The following GASK1A variants were observed in gnomAD, a reference collection of about 807,000 sequenced individuals.
GASK1A encodes the protein golgi associated kinase 1A, also known as Golgi-associated kinase 1A.
Under a neutral mutation model 41.2 loss-of-function variants are expected in GASK1A, and 40 were observed. The observed-to-expected ratio is 0.97, with a 90% confidence interval of 0.75 to 1.27. The LOEUF is 1.27. GASK1A is among the 50% of genes most tolerant of loss of function. The pLI is 0.00. For missense variants in GASK1A, 678 were observed against 745.1 expected, an observed-to-expected ratio of 0.91 and a Z score of 1.05; for synonymous variants, 316 against 307.1, an observed-to-expected ratio of 1.03 and a Z score of -0.30.
Position 43,033,278 on chromosome 3 carries a change from G to A in GASK1A, c.1015G>A (p.Gly339Arg). ...VLSFHVDRVLGLRRSLPAVAR... is the reference protein window; with the variant it reads ...VLSFHVDRVLRLRRSLPAVAR... ...GTCCTTCCACGTAGATCGTGTGCTG[G>A]GGCTGCGCCGGAGCCTACCTGCTGT... Residue 339 changes from glycine to arginine, a missense_variant, in exon 2 of 5, where the codon GGG (glycine) becomes AGG (arginine). Gly to Arg is a moderately radical substitution (Grantham distance 125, BLOSUM62 -2). Coordinates refer to ENST00000430121, the MANE Select transcript of GASK1A (RefSeq NM_001129908.3). 1.3e-6 allele frequency: 2 copies of A among 1,551,564 alleles called. No homozygotes were observed. The highest frequency in any genetic ancestry group is 1.7e-6 in the Non-Finnish European group (2 of 1,146,968).
At chr3:43,014,639 G>A (rs566862911) in intron 1 of GASK1A, among the ~76,000 whole-genome samples, 1 of 151,620 alleles carries the variant, frequency 6.6e-6, no homozygotes, top group African/African-American at 2.4e-5. Flanking sequence ...AAGTCAGAAT[G>A]AGTGGCTATG....
chr3:43,031,929 A>G (rs2089577847), intron 1 of GASK1A, among the ~76,000 whole-genome samples: 1 of 152,324 alleles, frequency 6.6e-6, no homozygotes, highest in African/African-American at 2.4e-5. Context: ...GCTCTTGGTG[A>G]TGGGGACAGA....
intron 1 of GASK1A, among the ~76,000 whole-genome samples, chr3:43,015,269 G>A (rs139267187): frequency 6.6e-6 from 1 of 151,772 alleles, no homozygotes; most frequent in Non-Finnish European, 1.5e-5. Context: ...CTCAGGAAGG[G>A]GCTGTGGGAA....
chr3:43,048,464 G>C (rs751129559), intron 2 of GASK1A, among the ~76,000 whole-genome samples: 1 of 152,142 alleles, frequency 6.6e-6, no homozygotes, highest in Non-Finnish European at 1.5e-5. Flanking sequence ...TCTGGGAGGT[G>C]GTCCTAGGAA....
rs948838316 is a variant in GASK1A, at chr3:42,984,782, T to C, written c.3+5137T>C. ...AAGCAGGGTCCTTTAAATGAATACT[T>C]GGCATGAATGGCATGCAGGGGAGTG... On this transcript the variant is annotated intron_variant, in intron 1 of 4. Transcript: ENST00000430121. This position sits in a 1 kb window ranked among gnomAD's most constrained non-coding sequence, Gnocchi z 4.2. Among the ~76,000 whole-genome samples, 9 of 152,182 alleles carry C rather than the reference T, an allele frequency of 5.9e-5. 1 individual carries two copies. Among genetic ancestry groups the C allele is most frequent in the African/African-American group, 2.2e-4 (9 of 41,440 alleles).
intron 1 of GASK1A, among the ~76,000 whole-genome samples, chr3:42,987,442 A>G (rs2089317805): frequency 6.6e-6 from 1 of 152,172 alleles, no homozygotes. Context: ...GCAAAAAGGA[A>G]AAAAAGGAGA....
At chr3:43,039,205 G>GTTTTTTTTTTTTTTT (rs1329284553) in intron 2 of GASK1A, among the ~76,000 whole-genome samples, 1 of 125,788 alleles carries the variant, frequency 7.9e-6, no homozygotes, top group African/African-American at 2.9e-5. Context: ...TTTTTTTTTG[G>GTTTTTTTTTTTTTTT]TTTTTTTTTT....
Position 43,056,682 on chromosome 3 carries a change from G to C in GASK1A, c.*296G>C, listed in dbSNP as rs905559397. The C allele has an allele frequency of 7.2e-6, 2 of 278,428 alleles. No individual in the cohort carries two copies. Among genetic ancestry groups the C allele is most frequent in the African/African-American group, 4.2e-5 (2 of 47,286 alleles). 17.2% of individuals were successfully genotyped at this position (278,428 alleles called of 1,614,324 possible). On this transcript the variant is annotated 3_prime_UTR_variant, in exon 5 of 5. Transcript: ENST00000430121. ...TGTGATGCACGTGCATATGCAGAGT[G>C]GGAGAACTTTGTGTGTGTGTAGAGG...
intron 1 of GASK1A, among the ~76,000 whole-genome samples, chr3:42,993,995 G>A (rs1216734125): frequency 2.0e-5 from 3 of 152,166 alleles, no homozygotes; most frequent in East Asian, 3.9e-4. Context: ...TAAAGGTTCA[G>A]TGAATCTGAG....
At chr3:42,995,733 TC>T (rs1392912100) in intron 1 of GASK1A, among the ~76,000 whole-genome samples, 1 of 152,088 alleles carries the variant, frequency 6.6e-6, no homozygotes, top group Non-Finnish European at 1.5e-5. Flanking sequence ...ACAGACCTGC[TC>T]CCCTCCCCTT....
intron 1 of GASK1A, among the ~76,000 whole-genome samples, chr3:42,992,682 CAG>C (rs2125674372): frequency 6.6e-6 from 1 of 152,282 alleles, no homozygotes; most frequent in South Asian, 2.1e-4. Flanking sequence ...GAACTGGAAA[CAG>C]AGGAAGGGGA....
intron 2 of GASK1A, among the ~76,000 whole-genome samples, chr3:43,049,985 A>T: frequency 6.7e-6 from 1 of 149,676 alleles, no homozygotes; most frequent in African/African-American, 2.4e-5. Context: ...TCTGCCCATC[A>T]GTATAGATTA....
At chr3:43,035,176 C>T (rs1416504434) in intron 2 of GASK1A, among the ~76,000 whole-genome samples, 1 of 152,198 alleles carries the variant, frequency 6.6e-6, no homozygotes, top group East Asian at 1.9e-4. Flanking sequence ...ACTTTTCTCA[C>T]CCCAAAATGG....
chr3:43,030,419 A>C (rs2089568831), intron 1 of GASK1A, among the ~76,000 whole-genome samples: 1 of 152,152 alleles, frequency 6.6e-6, no homozygotes, highest in Non-Finnish European at 1.5e-5. Flanking sequence ...GTGTAGAGTG[A>C]GAATGGGTTT....
chr3:43,047,326 G>C (rs766309302), intron 2 of GASK1A, among the ~76,000 whole-genome samples: 16 of 152,258 alleles, frequency 1.1e-4, no homozygotes, highest in African/African-American at 1.4e-4. Context: ...ACTAATACAG[G>C]TGGGATGATA....
chr3:43,032,602 G>A lies in GASK1A; in HGVS notation c.339G>A (p.Arg113=), dbSNP rs1253546469. 1.3e-6 allele frequency: 2 copies of A among 1,551,548 alleles called. No individual in the cohort carries two copies. The highest frequency in any genetic ancestry group is 2.7e-5 in the African/African-American group (2 of 73,058). The change falls in exon 2 of 5, where the codon AGG becomes AGA. Residue 113 remains arginine (R), a synonymous_variant. Coordinates refer to ENST00000430121, the MANE Select transcript of GASK1A (RefSeq NM_001129908.3). The stretch of plus-strand genomic sequence containing the variant: ...GGGAGTCCCCAGGAGGGGACCTCAG[G>A]CATCCAGGGAGGGTGAGGAGGGACA... The part of the protein sequence containing the change: ...RSRESPGGDL[R]HPGRVRRDIT...
intron 1 of GASK1A, among the ~76,000 whole-genome samples, chr3:42,996,433 CT>C (rs1234342361): frequency 6.6e-6 from 1 of 152,196 alleles, no homozygotes; most frequent in Admixed American, 6.5e-5. Flanking sequence ...GCTTTTGTCT[CT>C]TTTGTTCATG....
In GASK1A at chr3:43,007,975, C is replaced by T. The variant is rs138249963; in HGVS notation, c.4-24292C>T. On this transcript the variant is annotated intron_variant, in intron 1 of 4. Transcript: ENST00000430121. ...AGGAAGAGGATGGCTTCCAGCTCTC[C>T]GGGTTTGCTTGCTTGCTTGCTTGCT... Among the ~76,000 whole-genome samples, 98 of 152,224 alleles carry T rather than the reference C, an allele frequency of 6.4e-4. 1 individual carries two copies. The highest frequency in any genetic ancestry group is 2.1e-3 in the African/African-American group (89 of 41,520).
intron 1 of GASK1A, among the ~76,000 whole-genome samples, chr3:42,998,483 A>G (rs1438269955): frequency 6.6e-6 from 1 of 152,166 alleles, no homozygotes; most frequent in Admixed American, 6.5e-5. Context: ...TTGAACAGTT[A>G]TTATGTCCCT....
Sources: gnomAD v4.1 joint callset for allele counts (sites outside exome capture counted in the v4.1 genomes callset) on GRCh38, gnomAD v4.1.1 for gene constraint, Gnocchi (gnomAD v3.1) non-coding constraint, MANE v1.5 for transcripts, NCBI Gene and HGNC (gene_info 2026-07-23, HGNC 2026-07-21) for gene names.